RASA2: variants seen among roughly 807,000 people sequenced by gnomAD.
The protein encoded by RASA2 is ras GTPase-activating protein 2.
RASA2 carries 155 observed loss-of-function variants against 118.2 expected under a neutral mutation model. The ratio of observed to expected loss-of-function variants is 1.31; its 90% CI spans 1.15 to 1.50. RASA2 has a LOEUF of 1.50. Ranked by LOEUF, RASA2 falls within the 40% of genes most tolerant of loss-of-function variation. The pLI is 0.00. For synonymous variants in RASA2, 353 were observed against 349.1 expected (o/e 1.01, Z -0.12); for missense variants, 1,016 against 1,009.6 (o/e 1.01, Z -0.09).
intron 5 of RASA2, among the ~76,000 whole-genome samples, chr3:141,547,865 C>T (rs2082509751): frequency 1.3e-5 from 2 of 152,162 alleles, no homozygotes; most frequent in South Asian, 4.1e-4. Context: ...TCCTTCTGTA[C>T]CTATTTTTTG....
At chr3:141,577,505 G>T (rs1457833797) in intron 15 of RASA2, among the ~76,000 whole-genome samples, 2 of 152,024 alleles carry the variant, frequency 1.3e-5, no homozygotes, top group Non-Finnish European at 1.5e-5. Context: ...TAATTTTGCA[G>T]ATATTTTTAA....
intron 4 of RASA2, among the ~76,000 whole-genome samples, chr3:141,531,464 G>A (rs2082258656): frequency 6.6e-6 from 1 of 150,860 alleles, no homozygotes; most frequent in Admixed American, 6.6e-5. Flanking sequence ...GCATATGTGT[G>A]TATATATATG....
chr3:141,496,259 C>T (rs947764870), intron 1 of RASA2, among the ~76,000 whole-genome samples: 5 of 152,116 alleles, frequency 3.3e-5, no homozygotes, highest in African/African-American at 1.2e-4. Context: ...TAGGCATGGG[C>T]AAGGACTTCA....
chr3:141,522,582 T>C (rs1170199313), intron 3 of RASA2, among the ~76,000 whole-genome samples: 2 of 152,148 alleles, frequency 1.3e-5, no homozygotes, highest in Admixed American at 1.3e-4. Context: ...CATAAGGACA[T>C]TGCAAGGGGT....
At chr3:141,545,892 A>G (rs536191667) in intron 5 of RASA2, among the ~76,000 whole-genome samples, 3 of 151,928 alleles carry the variant, frequency 2.0e-5, no homozygotes, top group South Asian at 2.1e-4. Flanking sequence ...ACTTTGTTCT[A>G]CTCTCTGTTA....
intron 17 of RASA2, among the ~76,000 whole-genome samples, chr3:141,585,761 C>T (rs1038838366): frequency 6.6e-6 from 1 of 152,176 alleles, no homozygotes; most frequent in Non-Finnish European, 1.5e-5. Flanking sequence ...GATTGCACCA[C>T]TGCACTCCAG....
At chr3:141,552,551 A>T (rs1161873506) in intron 5 of RASA2, among the ~76,000 whole-genome samples, 2 of 152,190 alleles carry the variant, frequency 1.3e-5, no homozygotes, top group Admixed American at 6.5e-5. Context: ...TAAACTGCAA[A>T]TGCCGTGTCA....
intron 15 of RASA2, chr3:141,578,665 G>A (rs1443444347): frequency 6.6e-6 from 1 of 152,184 alleles, no homozygotes; most frequent in Non-Finnish European, 1.5e-5. Flanking sequence ...CCATTCTGTG[G>A]CTTTGTTACT....
At chr3:141,596,615 C>T (rs1361705604) in intron 19 of RASA2, among the ~76,000 whole-genome samples, 4 of 151,938 alleles carry the variant, frequency 2.6e-5, no homozygotes, top group Non-Finnish European at 5.9e-5. Flanking sequence ...TTTTCAAAAA[C>T]CCAATTTAAA....
chr3:141,596,522 G>T (rs901818258), intron 19 of RASA2, among the ~76,000 whole-genome samples: 1 of 152,016 alleles, frequency 6.6e-6, no homozygotes, highest in African/African-American at 2.4e-5. Context: ...TTCAAAAGAG[G>T]ACCATTAAGA....
chr3:141,599,959 A>G (rs1003077422), intron 19 of RASA2, among the ~76,000 whole-genome samples: 13 of 152,334 alleles, frequency 8.5e-5, no homozygotes, highest in Middle Eastern at 3.4e-3. Context: ...CACTTGCAGA[A>G]CTGTTTCAGA....
At chr3:141,583,690 A>T (rs901506184) in intron 17 of RASA2, among the ~76,000 whole-genome samples, 31 of 152,140 alleles carry the variant, frequency 2.0e-4, no homozygotes, top group African/African-American at 6.8e-4. Context: ...TAAACATTCC[A>T]TTTCAAAACT....
At chr3:141,535,823 A>AC (rs949957242) in intron 4 of RASA2, among the ~76,000 whole-genome samples, 11 of 151,960 alleles carry the variant, frequency 7.2e-5, no homozygotes, top group Admixed American at 2.0e-4. Flanking sequence ...TGAGGGATCT[A>AC]CCCCCATGAT....
intron 9 of RASA2, among the ~76,000 whole-genome samples, chr3:141,564,082 C>T (rs2082780542): frequency 6.6e-6 from 1 of 151,524 alleles, no homozygotes; most frequent in African/African-American, 2.4e-5. Context: ...AGGAGTGAAC[C>T]CTTCTGGAGT....
chr3:141,575,866 C>G (rs754174715), intron 14 of RASA2, among the ~76,000 whole-genome samples: 3 of 152,168 alleles, frequency 2.0e-5, no homozygotes, highest in Non-Finnish European at 4.4e-5. Context: ...ACAATCTCGG[C>G]TCACTGCAAC....
At chr3:141,498,415 A>C (rs1280614790) in intron 1 of RASA2, among the ~76,000 whole-genome samples, 2 of 152,214 alleles carry the variant, frequency 1.3e-5, no homozygotes, top group African/African-American at 4.8e-5. Context: ...GGTCTAATGT[A>C]GTGGATATTC....
chr3:141,513,826 A>G (rs2081986733), intron 2 of RASA2, among the ~76,000 whole-genome samples: 1 of 152,230 alleles, frequency 6.6e-6, no homozygotes, highest in Non-Finnish European at 1.5e-5. Flanking sequence ...TGCATTTCAT[A>G]GCGATATTTC....
chr3:141,560,026 AGTTT>A, intron 9 of RASA2, 31 bp downstream of exon 9: 1 of 1,534,496 alleles, frequency 6.5e-7, no homozygotes, highest in African/African-American at 1.4e-5. Context: ...TGAACTCCAT[AGTTT>A]AATTCTCTTT....
intron 19 of RASA2, among the ~76,000 whole-genome samples, chr3:141,593,907 A>G (rs1463106959): frequency 2.0e-5 from 3 of 152,234 alleles, no homozygotes; most frequent in Non-Finnish European, 2.9e-5. Context: ...GTAATGGAAC[A>G]TTAACAACTC....
Sources: gnomAD v4.1 joint callset for allele counts (sites outside exome capture counted in the v4.1 genomes callset) on GRCh38, gnomAD v4.1.1 for gene constraint, MANE v1.5 for transcripts, NCBI Gene and HGNC (gene_info 2026-07-23, HGNC 2026-07-21) for gene names.